The following GABRB1 variants were observed in gnomAD, a reference collection of about 807,000 sequenced individuals.
GABRB1 encodes gamma-aminobutyric acid receptor subunit beta-1.
Under a neutral mutation model 51.6 loss-of-function variants are expected in GABRB1, and 17 were observed. The ratio of observed to expected loss-of-function variants is 0.33; its 90% confidence interval spans 0.23 to 0.49. The LOEUF is 0.49. GABRB1 is among the 20% of genes least tolerant of loss of function. The pLI, the probability that GABRB1 is intolerant of heterozygous loss-of-function variation, is 0.99. For missense variants in GABRB1, 410 were observed against 600.6 expected, an observed-to-expected ratio of 0.68 and a Z score of 3.32; for synonymous variants, 247 against 218.9, an observed-to-expected ratio of 1.13 and a Z score of -1.14.
At chr4:47,100,468 T>G (rs1481072859) in intron 3 of GABRB1, among the ~76,000 whole-genome samples, 3 of 152,006 alleles carry the variant, frequency 2.0e-5, no homozygotes, top group Non-Finnish European at 4.4e-5. Flanking sequence ...AATGTTTTGA[T>G]TACTGTATAT....
intron 3 of GABRB1, among the ~76,000 whole-genome samples, chr4:47,037,462 C>T (rs1391947642): frequency 6.6e-6 from 1 of 151,780 alleles, no homozygotes; most frequent in African/African-American, 2.4e-5. Context: ...TTTATAACGT[C>T]TGGAGAGGCT....
intron 4 of GABRB1, among the ~76,000 whole-genome samples, chr4:47,295,309 C>T (rs1051330108): frequency 2.6e-5 from 4 of 152,018 alleles, no homozygotes; most frequent in Admixed American, 1.3e-4. Context: ...CAAACTACTC[C>T]GAGCTACAGG....
At chr4:47,410,743 C>T (rs1017430699) in intron 8 of GABRB1, among the ~76,000 whole-genome samples, 2 of 152,160 alleles carry the variant, frequency 1.3e-5, no homozygotes, top group African/African-American at 4.8e-5. Flanking sequence ...TTACTGTCCA[C>T]TATATAAAAG....
chr4:47,050,643 A>T (rs1297833742), intron 3 of GABRB1, among the ~76,000 whole-genome samples: 1 of 152,196 alleles, frequency 6.6e-6, no homozygotes, highest in Non-Finnish European at 1.5e-5. Context: ...ATAAGTAGAC[A>T]TTCAACACTG....
intron 4 of GABRB1, among the ~76,000 whole-genome samples, chr4:47,166,027 C>G (rs1431496338): frequency 6.6e-6 from 1 of 152,028 alleles, no homozygotes; most frequent in Admixed American, 6.6e-5. Context: ...CTATCTGTCA[C>G]TTCCTGGCCC....
chr4:47,324,900 G>A (rs991553932), intron 5 of GABRB1, among the ~76,000 whole-genome samples: 10 of 152,138 alleles, frequency 6.6e-5, no homozygotes, highest in South Asian at 2.1e-4. Context: ...CTCAAACTCC[G>A]CTGATCCGTT....
intron 5 of GABRB1, among the ~76,000 whole-genome samples, chr4:47,365,732 C>T (rs1044362599): frequency 1.3e-5 from 2 of 152,166 alleles, no homozygotes; most frequent in Non-Finnish European, 2.9e-5. Flanking sequence ...TTTCGCTCAT[C>T]GCCATGGATT....
Position 47,312,179 on chromosome 4 carries a change from C to T in GABRB1, c.462-7948C>T, listed in dbSNP as rs561824293. Among the ~76,000 whole-genome samples, 6 of 151,844 alleles carry T rather than the reference C, an allele frequency of 4.0e-5. No homozygotes were observed. The South Asian group carries it at 1.0e-3, about 26-fold the overall frequency. ...TTTTAAAATTAAATATCAATATGAC[C>T]GTTCTTTAAAGTTTTTTACTACTCC... On this transcript the variant is annotated intron_variant, in intron 4 of 8. Transcript: ENST00000295454.
chr4:46,993,654 A>G (rs1030980000), upstream of GABRB1: 11 of 538,628 alleles, frequency 2.0e-5, no homozygotes, highest in East Asian at 3.3e-5. Context: ...CTCAATGTGT[A>G]TGTAGAGCTA....
chr4:47,184,107 G>A (rs1577981831), intron 4 of GABRB1, among the ~76,000 whole-genome samples: 1 of 151,880 alleles, frequency 6.6e-6, no homozygotes, highest in Non-Finnish European at 1.5e-5. Flanking sequence ...CTAAAGGCTA[G>A]TGACCACACC....
At chr4:47,227,549 C>T (rs957644794) in intron 4 of GABRB1, among the ~76,000 whole-genome samples, 1 of 152,092 alleles carries the variant, frequency 6.6e-6, no homozygotes, top group Non-Finnish European at 1.5e-5. Flanking sequence ...AAGGAATTAG[C>T]TGATCCTACA....
At chr4:47,254,361 G>GTTTTTTTTTTTTTTTTTTT (rs56838956) in intron 4 of GABRB1, among the ~76,000 whole-genome samples, 2 of 80,966 alleles carry the variant, frequency 2.5e-5, no homozygotes, top group African/African-American at 1.0e-4. Flanking sequence ...TCTTTTCTTT[G>GTTTTTTTTTTTTTTTTTTT]TTTTTTTTTT....
At chr4:47,037,690 A>C (rs1725650405) in intron 3 of GABRB1, among the ~76,000 whole-genome samples, 1 of 152,090 alleles carries the variant, frequency 6.6e-6, no homozygotes, top group Non-Finnish European at 1.5e-5. Context: ...AATACAATGA[A>C]AATAAATAGT....
chr4:47,403,525 G>T, intron 6 of GABRB1, 34 bp from the exon 7 acceptor site: 13 of 1,613,426 alleles, frequency 8.1e-6, no homozygotes, highest in Non-Finnish European at 1.1e-5. Flanking sequence ...ACCAAATAAT[G>T]GTCTGATTAC....
intron 4 of GABRB1, among the ~76,000 whole-genome samples, chr4:47,197,368 C>T (rs894540202): frequency 1.4e-4 from 21 of 152,202 alleles, no homozygotes; most frequent in Non-Finnish European, 2.8e-4. Flanking sequence ...ATCCCTCCCA[C>T]TCTGCCCCCA....
At chr4:47,156,399 T>G (rs891793681) in intron 3 of GABRB1, among the ~76,000 whole-genome samples, 1 of 152,032 alleles carries the variant, frequency 6.6e-6, no homozygotes, top group Non-Finnish European at 1.5e-5. Context: ...AATTCTTTAT[T>G]ATGGGGGCCT....
intron 5 of GABRB1, among the ~76,000 whole-genome samples, chr4:47,326,845 C>T (rs555665537): frequency 6.6e-6 from 1 of 152,126 alleles, no homozygotes; most frequent in Non-Finnish European, 1.5e-5. Flanking sequence ...TCATAGCAAT[C>T]CAAATGAACT....
At chr4:47,341,233 C>T (rs1006348281) in intron 5 of GABRB1, among the ~76,000 whole-genome samples, 2 of 152,100 alleles carry the variant, frequency 1.3e-5, no homozygotes, top group African/African-American at 4.8e-5. Flanking sequence ...TTTTAATAAC[C>T]AACTGCAAAA....
intron 5 of GABRB1, among the ~76,000 whole-genome samples, chr4:47,355,170 T>C (rs1295017808): frequency 6.6e-6 from 1 of 151,700 alleles, no homozygotes; most frequent in African/African-American, 2.4e-5. Flanking sequence ...TTAGTAGAGA[T>C]GGGGTTTCAC....
Sources: gnomAD v4.1 joint callset for allele counts (sites outside exome capture counted in the v4.1 genomes callset) on GRCh38, gnomAD v4.1.1 for gene constraint, MANE v1.5 for transcripts, NCBI Gene and HGNC (gene_info 2026-07-23, HGNC 2026-07-21) for gene names.